The following PRIM2 variants were observed in gnomAD, a reference collection of about 807,000 sequenced individuals.
PRIM2 encodes the protein DNA primase large subunit.
In PRIM2, 39 loss-of-function variants were observed where a neutral mutation model predicts 67.3. The observed-to-expected ratio is 0.58, with a 90% confidence interval of 0.45 to 0.76. PRIM2 has a LOEUF of 0.76. Among genes scored for constraint, PRIM2 ranks in the 30% least tolerant of loss-of-function variants. The probability of loss-of-function intolerance (pLI) is 0.00; values close to 1 mark genes in which losing one functional copy is unlikely to be tolerated. For synonymous variants in PRIM2, 143 were observed against 198.7 expected, an observed-to-expected ratio of 0.72 and a Z score of 2.36; for missense variants, 398 against 598.7, an observed-to-expected ratio of 0.66 and a Z score of 3.50.
intron 10 of PRIM2, among the ~76,000 whole-genome samples, chr6:57,592,591 T>C (rs1776300368): frequency 1.3e-5 from 2 of 152,136 alleles, no homozygotes; most frequent in Admixed American, 1.3e-4. Flanking sequence ...GGTTAAGAGT[T>C]CGAGACCAGC....
At chr6:57,335,958 T>C (rs9464437) in intron 5 of PRIM2, among the ~76,000 whole-genome samples, 19,235 of 151,798 alleles carry the variant, frequency 0.13, 1,364 homozygotes, top group African/African-American at 0.18. Context: ...TGGAAAACTT[T>C]GAAAAAAATT....
chr6:57,329,123 C>A (rs1767968209), intron 5 of PRIM2, among the ~76,000 whole-genome samples: 1 of 149,346 alleles, frequency 6.7e-6, no homozygotes, highest in African/African-American at 2.5e-5. Flanking sequence ...TTGTTTGCAA[C>A]AAAAAGGTTT....
chr6:57,622,740 A>G (rs1353110854), intron 12 of PRIM2, among the ~76,000 whole-genome samples: 1 of 152,192 alleles, frequency 6.6e-6, no homozygotes, highest in African/African-American at 2.4e-5. Context: ...GAAAAAATGT[A>G]TGCTCTTATT....
intron 10 of PRIM2, among the ~76,000 whole-genome samples, chr6:57,583,432 T>C (rs1408717949): frequency 6.7e-6 from 1 of 150,306 alleles, no homozygotes. Flanking sequence ...TGCGGTTTGT[T>C]TTTTGTTCTT....
intron 7 of PRIM2, among the ~76,000 whole-genome samples, chr6:57,414,558 A>T (rs1418450799): frequency 6.6e-6 from 1 of 152,126 alleles, no homozygotes; most frequent in East Asian, 1.9e-4. Context: ...TAATCTTAGG[A>T]ATTTTTATGT....
chr6:57,374,299 ATTTATTTT>A (rs1438950448), intron 5 of PRIM2, among the ~76,000 whole-genome samples: 28 of 144,694 alleles, frequency 1.9e-4, no homozygotes, highest in African/African-American at 7.2e-4. Context: ...TTATTTATTT[ATTTATTTT>A]TTTTGAGACG....
intron 8 of PRIM2, among the ~76,000 whole-genome samples, chr6:57,513,570 G>A (rs1451174330): frequency 6.6e-6 from 1 of 151,994 alleles, no homozygotes; most frequent in Non-Finnish European, 1.5e-5. Flanking sequence ...AAGTGCATTG[G>A]GGGACAGCAT....
At chr6:57,315,826 A>G (rs1236937996), upstream of PRIM2, among the ~76,000 whole-genome samples, 3 of 151,976 alleles carry the variant, frequency 2.0e-5, no homozygotes, top group East Asian at 5.8e-4. Flanking sequence ...TTTCTTTGTA[A>G]TTTATAATAT....
At chr6:57,291,804 T>C in the PRIM2 span, among the ~76,000 whole-genome samples, 2 of 152,114 alleles carry the variant, frequency 1.3e-5, no homozygotes, top group African/African-American at 4.8e-5. Flanking sequence ...CAGCCCTTCA[T>C]CCTAAAAACT....
chr6:57,408,589 A>T (rs1323349722), intron 7 of PRIM2, among the ~76,000 whole-genome samples: 1 of 151,918 alleles, frequency 6.6e-6, no homozygotes, highest in Non-Finnish European at 1.5e-5. Context: ...CTGGGCAAAC[A>T]CTCATCTGTT....
chr6:57,454,720 C>G (rs1772696703), intron 7 of PRIM2, among the ~76,000 whole-genome samples: 1 of 152,048 alleles, frequency 6.6e-6, no homozygotes, highest in African/African-American at 2.4e-5. Flanking sequence ...TTTTGTTGAT[C>G]TTTTCAAAAA....
intron 7 of PRIM2, among the ~76,000 whole-genome samples, chr6:57,481,247 C>T (rs1315231788): frequency 6.6e-6 from 1 of 152,060 alleles, no homozygotes; most frequent in Non-Finnish European, 1.5e-5. Context: ...CCTCATTCTA[C>T]CCTGTTATAG....
chr6:57,438,774 T>C (rs1221596153), intron 7 of PRIM2, among the ~76,000 whole-genome samples: 1 of 152,124 alleles, frequency 6.6e-6, no homozygotes, highest in African/African-American at 2.4e-5. Flanking sequence ...GCATTTTTTT[T>C]TTCTTTTTTT....
chr6:57,497,283 A>G (rs1209620249), intron 7 of PRIM2, among the ~76,000 whole-genome samples: 1 of 152,194 alleles, frequency 6.6e-6, no homozygotes, highest in Non-Finnish European at 1.5e-5. Flanking sequence ...GAGGAGCCTC[A>G]GAGATAATAT....
At chr6:57,455,100 G>A (rs1220072835) in intron 7 of PRIM2, among the ~76,000 whole-genome samples, 3 of 152,144 alleles carry the variant, frequency 2.0e-5, no homozygotes, top group African/African-American at 7.2e-5. Flanking sequence ...GCGGTTTTGA[G>A]TGAGTTTCTT....
intron 10 of PRIM2, among the ~76,000 whole-genome samples, chr6:57,555,819 G>A (rs1193277343): frequency 6.6e-6 from 1 of 152,058 alleles, no homozygotes; most frequent in African/African-American, 2.4e-5. Context: ...ATATTGAAAG[G>A]AACAGAGAAC....
At chr6:57,452,107 T>C (rs1772573987) in intron 7 of PRIM2, among the ~76,000 whole-genome samples, 1 of 152,118 alleles carries the variant, frequency 6.6e-6, no homozygotes, top group South Asian at 2.1e-4. Flanking sequence ...ACAAAGGACA[T>C]GAACTCATCA....
the PRIM2 span, among the ~76,000 whole-genome samples, chr6:57,277,852 C>T: frequency 9.8e-4 from 148 of 151,682 alleles, no homozygotes; most frequent in African/African-American, 3.2e-3. Flanking sequence ...GGTGTGGTGG[C>T]GGGCACCTGT....
At chr6:57,267,328 C>A in the PRIM2 span, among the ~76,000 whole-genome samples, 1 of 151,924 alleles carries the variant, frequency 6.6e-6, no homozygotes, top group Non-Finnish European at 1.5e-5. Flanking sequence ...GGGAGGTGAT[C>A]CCAGGAGGCA....
Sources: allele counts gnomAD v4.1 joint callset (sites outside exome capture counted in the v4.1 genomes callset), GRCh38; gene constraint gnomAD v4.1.1; transcripts MANE v1.5; gene names NCBI Gene and HGNC (gene_info 2026-07-23, HGNC 2026-07-21).